The following UTRN variants were observed in gnomAD, a reference collection of about 807,000 sequenced individuals.
The protein encoded by UTRN is dystrophin-related protein 1.
A neutral mutation model predicts 463.9 loss-of-function variants in UTRN; 283 were observed. The ratio of observed to expected loss-of-function variants is 0.61; its 90% confidence interval spans 0.55 to 0.67. The LOEUF is 0.67. UTRN is among the 30% of genes least tolerant of loss of function. UTRN has a pLI of 0.00. For missense variants in UTRN, 3,922 were observed against 4,084.3 expected, an observed-to-expected ratio of 0.96 and a Z score of 1.08; for synonymous variants, 1,442 against 1,431.5, an observed-to-expected ratio of 1.01 and a Z score of -0.17.
intron 50 of UTRN, among the ~76,000 whole-genome samples, chr6:144,576,387 A>G (rs1801437332): frequency 6.6e-6 from 1 of 152,184 alleles, no homozygotes; most frequent in Non-Finnish European, 1.5e-5. Flanking sequence ...CTTAACTCAT[A>G]TAACTCCAAG....
chr6:144,419,554 ACTGTGTTCACTACTTGGGCAATGGGGTC>A (rs1784648844), intron 3 of UTRN, among the ~76,000 whole-genome samples: 1 of 152,236 alleles, frequency 6.6e-6, no homozygotes, highest in Non-Finnish European at 1.5e-5. Flanking sequence ...CCTACTGGGT[ACTGTGTTCACTACTTGGGCAATGGGGTC>A]ATTCGAGACC....
rs145495625 is a variant in UTRN, at chr6:144,399,515, G to T, written c.80-3608G>T. 9.1e-3 allele frequency among the ~76,000 whole-genome samples: 1,387 copies of T among 152,270 alleles called. 87 individuals carry two copies. Among genetic ancestry groups the T allele is most frequent in the Admixed American group, 0.08 (1,230 of 15,286 alleles). ...CCAAGTTTAAAATCATCCAATAAGA[G>T]ATTTCTTTCTTGGCTAAAGGTCTAG... On this transcript the variant is annotated intron_variant, in intron 2 of 74. Coordinates refer to ENST00000367545, the MANE Select transcript of UTRN (RefSeq NM_007124.3).
intron 51 of UTRN, among the ~76,000 whole-genome samples, chr6:144,603,063 A>T (rs1490133154): frequency 6.6e-6 from 1 of 152,172 alleles, no homozygotes; most frequent in Non-Finnish European, 1.5e-5. Context: ...ATTGTCTTTT[A>T]TAGAATTCCT....
At chr6:144,489,712 C>G (rs1275610062) in intron 30 of UTRN, among the ~76,000 whole-genome samples, 2 of 152,014 alleles carry the variant, frequency 1.3e-5, no homozygotes, top group Admixed American at 6.5e-5. Flanking sequence ...AACTCTGCCC[C>G]ACAGGTTCAA....
At chr6:144,549,006 A>G (rs1045538775) in intron 47 of UTRN, 152 bp downstream of exon 47, 2 of 756,788 alleles carry the variant, frequency 2.6e-6, no homozygotes, top group African/African-American at 1.8e-5. Context: ...GCTAACTACA[A>G]AGCATAGAGC....
chr6:144,396,796 A>G (rs1341982912), intron 2 of UTRN, among the ~76,000 whole-genome samples: 3 of 152,020 alleles, frequency 2.0e-5, no homozygotes, highest in African/African-American at 4.8e-5. Context: ...GCACCATCCA[A>G]CTGCATGTCA....
At chr6:144,648,848 T>C (rs971305211) in intron 51 of UTRN, among the ~76,000 whole-genome samples, 1 of 152,244 alleles carries the variant, frequency 6.6e-6, no homozygotes, top group African/African-American at 2.4e-5. Flanking sequence ...ATTGTTTTGC[T>C]CATATCAAAT....
At chr6:144,788,824 A>C (rs1487266480) in intron 61 of UTRN, among the ~76,000 whole-genome samples, 2 of 152,176 alleles carry the variant, frequency 1.3e-5, no homozygotes, top group Admixed American at 6.5e-5. Flanking sequence ...TGGCCTCCCA[A>C]AGTGCTGGGA....
intron 63 of UTRN, among the ~76,000 whole-genome samples, chr6:144,795,508 T>A (rs1327325096): frequency 6.6e-6 from 1 of 152,218 alleles, no homozygotes; most frequent in Non-Finnish European, 1.5e-5. Context: ...AGCATTCCTA[T>A]TTCTCCACAT....
intron 30 of UTRN, 72 bp downstream of exon 30, chr6:144,488,906 A>C (rs1297436737): frequency 7.3e-7 from 1 of 1,377,512 alleles, no homozygotes; most frequent in Admixed American, 2.8e-5. Context: ...ACTATAAGAG[A>C]ACCCCTCCTG....
intron 60 of UTRN, among the ~76,000 whole-genome samples, chr6:144,780,866 T>C (rs536748381): frequency 1.3e-5 from 2 of 152,344 alleles, no homozygotes; most frequent in African/African-American, 4.8e-5. Flanking sequence ...AGTACTTCTC[T>C]AAACCTGGAA....
intron 23 of UTRN, among the ~76,000 whole-genome samples, chr6:144,471,138 C>T (rs1390713748): frequency 1.3e-5 from 2 of 149,486 alleles, no homozygotes; most frequent in Non-Finnish European, 3.0e-5. Context: ...TTCTTTTTTT[C>T]TCATGTCAGA....
chr6:144,434,281 G>T (rs1353631924), intron 9 of UTRN, among the ~76,000 whole-genome samples: 1 of 148,626 alleles, frequency 6.7e-6, no homozygotes, highest in African/African-American at 2.5e-5. Context: ...GCAGTGAGCC[G>T]AGATGGCAGC....
At position 144,554,672 on chromosome 6, in the gene UTRN, A is replaced by C. The variant is rs764739793; in HGVS notation, c.6929-16A>C. On this transcript the variant is annotated splice_polypyrimidine_tract_variant and intron_variant, in intron 48 of 74. Coordinates refer to ENST00000367545, the MANE Select transcript of UTRN (RefSeq NM_007124.3). ...ACATGTTGGGATTTTTTTTTCTTTTATAATGCTACCCTCAGTGGAAAGGGT... is the reference window on the plus strand; with the variant it reads ...ACATGTTGGGATTTTTTTTTCTTTTCTAATGCTACCCTCAGTGGAAAGGGT... 1 of 1,595,218 alleles carries C rather than the reference A, an allele frequency of 6.3e-7. No individual in the cohort carries two copies. The highest frequency in any genetic ancestry group is 1.1e-5 in the South Asian group (1 of 86,984).
intron 2 of UTRN, among the ~76,000 whole-genome samples, chr6:144,382,778 A>G (rs1781047761): frequency 6.6e-6 from 1 of 152,166 alleles, no homozygotes; most frequent in African/African-American, 2.4e-5. Context: ...GGCACATAGA[A>G]AGTGTTTAAT....
intron 17 of UTRN, among the ~76,000 whole-genome samples, chr6:144,450,194 G>A (rs968987194): frequency 1.3e-5 from 2 of 152,118 alleles, no homozygotes; most frequent in Non-Finnish European, 2.9e-5. Flanking sequence ...AACACTAAAG[G>A]ATAAATAGAA....
At chr6:144,512,323 A>G (rs1300650506) in intron 35 of UTRN, among the ~76,000 whole-genome samples, 1 of 151,978 alleles carries the variant, frequency 6.6e-6, no homozygotes, top group Admixed American at 6.6e-5. Flanking sequence ...TACACCTTTC[A>G]AACTCTCCAT....
chr6:144,448,566 TA>T (rs1562415286), intron 16 of UTRN, 33 bp from the exon 17 acceptor site: 4 of 1,606,038 alleles, frequency 2.5e-6, no homozygotes, highest in Non-Finnish European at 3.4e-6. Context: ...GAAGCTGTTA[TA>T]AACATTGAAA....
chr6:144,670,020 A>G (rs1352275634), intron 51 of UTRN, among the ~76,000 whole-genome samples: 1 of 149,384 alleles, frequency 6.7e-6, no homozygotes, highest in African/African-American at 2.5e-5. Flanking sequence ...TTCTTTATCC[A>G]CTTGTTGACT....
Sources: gnomAD v4.1 joint callset for allele counts (sites outside exome capture counted in the v4.1 genomes callset) on GRCh38, gnomAD v4.1.1 for gene constraint, MANE v1.5 for transcripts, NCBI Gene and HGNC (gene_info 2026-07-23, HGNC 2026-07-21) for gene names.